SYTL5: variants seen among roughly 807,000 people sequenced by gnomAD.
SYTL5 encodes synaptotagmin-like protein 5.
In SYTL5, 34 loss-of-function variants were observed where a neutral mutation model predicts 55.9. The ratio of observed to expected loss-of-function variants is 0.61; its 90% CI spans 0.46 to 0.81. The LOEUF is 0.81. SYTL5 is among the 30% of genes least tolerant of loss of function. SYTL5 has a pLI of 0.00. For synonymous variants in SYTL5, 221 were observed against 188.7 expected, an observed-to-expected ratio of 1.17 and a Z score of -1.40; for missense variants, 637 against 546.7, an observed-to-expected ratio of 1.17 and a Z score of -1.65.
In SYTL5 at chrX:38,088,507, C is replaced by T. The variant is rs375516018; in HGVS notation, c.690-939C>T. Among the ~76,000 whole-genome samples the T allele has an allele frequency of 5.4e-4, 60 of 111,782 alleles. 1 individual carries two copies. In the South Asian group the frequency reaches 0.012, roughly 23 times the overall value. On this transcript the variant is annotated intron_variant, in intron 6 of 16. Coordinates refer to ENST00000297875, the MANE Select transcript of SYTL5 (RefSeq NM_138780.3). ...GGGAACAAACACTTCTCTTAAACTCCGACTTGTCAAAATTTATGTTGACTT... is the reference window on the plus strand; with the variant it reads ...GGGAACAAACACTTCTCTTAAACTCTGACTTGTCAAAATTTATGTTGACTT...
At chrX:37,920,225 C>T in the SYTL5 span, among the ~76,000 whole-genome samples, 1 of 111,552 alleles carries the variant, frequency 9.0e-6, no homozygotes, top group Non-Finnish European at 1.9e-5. Flanking sequence ...GTGATAACCA[C>T]TCATTATTAT....
At chrX:38,118,656 T>A (rs1429220468) in intron 13 of SYTL5, among the ~76,000 whole-genome samples, 1 of 111,635 alleles carries the variant, frequency 9.0e-6, no homozygotes, top group African/African-American at 3.3e-5. Flanking sequence ...TAAATCTACA[T>A]GCAGTTACAA....
chrX:38,001,993 C>T (rs917260524), upstream of SYTL5, among the ~76,000 whole-genome samples: 46 of 110,314 alleles, frequency 4.2e-4, no homozygotes, highest in African/African-American at 1.5e-3. Context: ...TTAGGTATAT[C>T]TCCTAATGCT....
the SYTL5 span, among the ~76,000 whole-genome samples, chrX:37,933,558 A>C: frequency 1.8e-5 from 2 of 112,352 alleles, no homozygotes; most frequent in Admixed American, 9.4e-5. Flanking sequence ...GAGCTTGCTC[A>C]GTATGTAAAG....
intron 1 of SYTL5, 143 bp from the exon 2 acceptor site, chrX:38,033,391 A>G (rs1935015744): frequency 8.8e-6 from 1 of 113,110 alleles, no homozygotes; most frequent in Admixed American, 9.3e-5. Flanking sequence ...TAAAGATTTA[A>G]TAAATGCATG....
At chrX:38,125,582 T>G in intron 16 of SYTL5, 76 bp downstream of exon 16, 1 of 735,039 alleles carries the variant, frequency 1.4e-6, no homozygotes, top group African/African-American at 2.1e-5. Context: ...AGATGTGATG[T>G]GCAGTGGATG....
At chrX:37,995,337 C>G in the SYTL5 span, among the ~76,000 whole-genome samples, 6 of 111,854 alleles carry the variant, frequency 5.4e-5, no homozygotes, top group African/African-American at 9.8e-5. Context: ...CTGGCATGAA[C>G]TTCATGGGAC....
At chrX:38,013,751 G>T (rs1934257496) in intron 1 of SYTL5, among the ~76,000 whole-genome samples, 1 of 110,952 alleles carries the variant, frequency 9.0e-6, no homozygotes, top group South Asian at 3.8e-4. Context: ...CTGCGAACCT[G>T]TCACTGACCT....
chrX:37,913,888 A>G, the SYTL5 span, among the ~76,000 whole-genome samples: 3 of 111,590 alleles, frequency 2.7e-5, no homozygotes, highest in Non-Finnish European at 3.8e-5. Context: ...CCCTAGTATC[A>G]CTTCCCCAAA....
chrX:38,043,011 G>A (rs1189166541), intron 2 of SYTL5, among the ~76,000 whole-genome samples: 1 of 111,450 alleles, frequency 9.0e-6, no homozygotes, highest in South Asian at 3.7e-4. Flanking sequence ...ATAAGATTAG[G>A]CTAACATGCA....
chrX:38,005,437 C>T (rs1164685246), upstream of SYTL5, among the ~76,000 whole-genome samples: 2 of 111,328 alleles, frequency 1.8e-5, no homozygotes, highest in Middle Eastern at 9.3e-3. Context: ...ATTATGTATT[C>T]AAAGAACAAA....
the SYTL5 span, among the ~76,000 whole-genome samples, chrX:37,964,656 G>T: frequency 1.8e-5 from 2 of 111,363 alleles, no homozygotes; most frequent in East Asian, 5.6e-4. Flanking sequence ...AAGACTTTGA[G>T]AATTATTGGT....
At chrX:38,043,385 A>G (rs1174186638) in intron 2 of SYTL5, among the ~76,000 whole-genome samples, 1 of 107,429 alleles carries the variant, frequency 9.3e-6, no homozygotes, top group Non-Finnish European at 1.9e-5. Flanking sequence ...TTATGTGTAT[A>G]TATATACACA....
the SYTL5 span, among the ~76,000 whole-genome samples, chrX:37,893,417 T>C: frequency 1.0e-5 from 1 of 96,990 alleles, no homozygotes; most frequent in Non-Finnish European, 2.0e-5. Flanking sequence ...ATATATAGTA[T>C]ATATCATCTA....
intron 1 of SYTL5, among the ~76,000 whole-genome samples, chrX:38,014,438 T>C (rs1934285757): frequency 8.9e-6 from 1 of 112,078 alleles, no homozygotes; most frequent in African/African-American, 3.2e-5. Context: ...AGTATCTAAA[T>C]CAAATAATTG....
At chrX:38,044,871 T>A (rs933408033) in intron 2 of SYTL5, among the ~76,000 whole-genome samples, 2 of 112,030 alleles carry the variant, frequency 1.8e-5, no homozygotes, top group African/African-American at 6.5e-5. Context: ...GATAGTTCCA[T>A]GTGGGAGACT....
At position 38,100,950 on chromosome X, in the gene SYTL5, C is replaced by T. The variant is rs144952359; in HGVS notation, c.1063-1392C>T. On this transcript the variant is annotated intron_variant, in intron 9 of 16. Coordinates refer to ENST00000297875, the MANE Select transcript of SYTL5 (RefSeq NM_138780.3). ...ATCTGAAAATAACCCAAATATTCAG[C>T]AACAAGAGAATGGATAAAGTTTTGG... Among the ~76,000 whole-genome samples the T allele has an allele frequency of 8.4e-3, 929 of 110,654 alleles. 4 individuals carry two copies. The highest frequency in any genetic ancestry group is 0.046 in the Middle Eastern group (10 of 217).
the SYTL5 span, among the ~76,000 whole-genome samples, chrX:37,972,766 G>A: frequency 9.0e-6 from 1 of 111,470 alleles, no homozygotes; most frequent in Non-Finnish European, 1.9e-5. Context: ...ACATTGGTTT[G>A]GTTCAGAAAA....
the SYTL5 span, among the ~76,000 whole-genome samples, chrX:37,936,179 A>G: frequency 8.9e-6 from 1 of 112,570 alleles, no homozygotes; most frequent in Non-Finnish European, 1.9e-5. Context: ...TATGAAAATT[A>G]TAAACATATA....
Sources: allele counts gnomAD v4.1 joint callset (sites outside exome capture counted in the v4.1 genomes callset), GRCh38; gene constraint gnomAD v4.1.1; transcripts MANE v1.5; gene names NCBI Gene and HGNC (gene_info 2026-07-23, HGNC 2026-07-21).